Variants in HECTD2 observed in about 807,000 individuals in gnomAD.
HECTD2 encodes HECT domain E3 ubiquitin protein ligase 2.
HECTD2 carries 35 observed loss-of-function variants against 103.2 expected under a neutral mutation model. The observed-to-expected ratio is 0.34, with a 90% CI of 0.26 to 0.45. HECTD2 has a LOEUF of 0.45. Among genes scored for constraint, HECTD2 ranks in the 20% least tolerant of loss-of-function variants. The pLI, the probability that HECTD2 is intolerant of heterozygous loss-of-function variation, is 1.00. For synonymous variants in HECTD2, 281 were observed against 329.9 expected (o/e 0.85, Z 1.61); for missense variants, 596 against 937.4 (o/e 0.64, Z 4.76).
At chr10:91,437,093 A>G (rs148853604) in intron 2 of HECTD2, among the ~76,000 whole-genome samples, 3 of 152,188 alleles carry the variant, frequency 2.0e-5, no homozygotes, top group South Asian at 2.1e-4. Context: ...TCCAGTATCT[A>G]TTGAATATAT....
chr10:91,479,551 TGAC>T (rs1315146982), intron 6 of HECTD2, among the ~76,000 whole-genome samples: 1 of 152,194 alleles, frequency 6.6e-6, no homozygotes, highest in East Asian at 1.9e-4. Context: ...TTTTAATGTC[TGAC>T]TAATAACTTA....
chr10:91,512,245 T>TTTTAA lies in HECTD2; in HGVS notation c.2211-15_2211-11dup. 6.2e-7 allele frequency: 1 copy of TTTTAA among 1,606,540 alleles called. No individual in the cohort carries two copies. The highest frequency in any genetic ancestry group is 8.5e-7 in the Non-Finnish European group (1 of 1,177,386). On this transcript the variant is annotated intron_variant, in intron 20 of 20. Transcript: ENST00000298068. ...GTGTGTTTCAAGACTTAGTATTTTT[T>TTTTAA]TTTAATTTTTTTCCCTAGCTTACCT... is the stretch of plus-strand genomic sequence containing the variant.
Position 91,500,497 on chromosome 10 carries a change from G to A in HECTD2, c.1951-5G>A. 1 of 1,382,090 alleles carries A rather than the reference G, an allele frequency of 7.2e-7. No homozygotes were observed. Among genetic ancestry groups the A allele is most frequent in the Non-Finnish European group, 1.0e-6 (1 of 970,536 alleles). 85.6% of individuals were successfully genotyped at this position (1,382,090 alleles called of 1,614,324 possible). On this transcript the variant is annotated splice_region_variant and splice_polypyrimidine_tract_variant and intron_variant, in intron 18 of 20. Transcript: ENST00000298068. The stretch of plus-strand genomic sequence containing the variant: ...TTATTGTTTTTGATAAATAATTATT[G>A]GCAGCTGCTTCGTCCAGAAGAGGTT...
intron 5 of HECTD2, among the ~76,000 whole-genome samples, chr10:91,469,984 A>G (rs377718017): frequency 1.3e-5 from 2 of 152,348 alleles, no homozygotes; most frequent in East Asian, 1.9e-4. Context: ...AGAGCATTAC[A>G]TAATGGTATA....
rs1407823383 is a variant in HECTD2, at chr10:91,487,871, C to T, written c.1191+93C>T. 1 of 795,058 alleles carries T rather than the reference C, an allele frequency of 1.3e-6. No individual in the cohort carries two copies. Among genetic ancestry groups the T allele is most frequent in the East Asian group, 2.8e-5 (1 of 35,626 alleles). The allele number at this position is 795,058 out of a possible 1,614,324, so 49.3% of individuals were successfully genotyped here. On this transcript the variant is annotated intron_variant, in intron 11 of 20. Transcript: ENST00000298068. This position sits in a 1 kb window ranked among gnomAD's most constrained non-coding sequence, Gnocchi z 4.1. ...TTAAATGTCTTGTGAATTGTTCTAG[C>T]ATAATCAGGAATGTTAAAAGCAAAA...
intron 2 of HECTD2, among the ~76,000 whole-genome samples, chr10:91,450,754 A>G (rs1844781483): frequency 6.6e-6 from 1 of 152,192 alleles, no homozygotes; most frequent in African/African-American, 2.4e-5. Flanking sequence ...TATGCAGCCA[A>G]CAAACATGAA....
At chr10:91,453,302 A>G (rs1398699115) in intron 2 of HECTD2, among the ~76,000 whole-genome samples, 1 of 152,094 alleles carries the variant, frequency 6.6e-6, no homozygotes, top group African/African-American at 2.4e-5. Flanking sequence ...CTTTTGGTGC[A>G]TGCCTGTAGT....
chr10:91,423,259 C>G (rs892325761), intron 1 of HECTD2, among the ~76,000 whole-genome samples: 1 of 152,032 alleles, frequency 6.6e-6, no homozygotes, highest in Non-Finnish European at 1.5e-5. Flanking sequence ...TCCTGGCTTC[C>G]CATTTATCAG....
At chr10:91,429,078 T>C (rs1165424886) in intron 2 of HECTD2, among the ~76,000 whole-genome samples, 2 of 152,148 alleles carry the variant, frequency 1.3e-5, no homozygotes, top group Non-Finnish European at 2.9e-5. Context: ...TTGAGAGTTT[T>C]TAGCATGAAG....
At chr10:91,415,193 A>AGAGTGTGTGTGTGTGT (rs1554864255) in intron 1 of HECTD2, among the ~76,000 whole-genome samples, 4 of 141,624 alleles carry the variant, frequency 2.8e-5, no homozygotes, top group African/African-American at 1.1e-4. Flanking sequence ...AATTAGAGAA[A>AGAGTGTGTGTGTGTGT]GTGTGTGTGT....
At chr10:91,449,869 A>C (rs1844722548) in intron 2 of HECTD2, among the ~76,000 whole-genome samples, 1 of 152,176 alleles carries the variant, frequency 6.6e-6, no homozygotes, top group Non-Finnish European at 1.5e-5. Flanking sequence ...TCCTCAAGGA[A>C]ATAAGAGAGA....
chr10:91,512,162 A>C, intron 20 of HECTD2, 102 bp from the exon 21 acceptor site: 1 of 1,238,564 alleles, frequency 8.1e-7, no homozygotes, highest in Non-Finnish European at 1.1e-6. Flanking sequence ...AACAGAGTGA[A>C]ATAGATTTGA....
intron 5 of HECTD2, among the ~76,000 whole-genome samples, chr10:91,476,981 C>T (rs1268817111): frequency 2.7e-5 from 4 of 150,670 alleles, no homozygotes; most frequent in African/African-American, 4.9e-5. Context: ...GAGATCGAGA[C>T]CATCCTGGCT....
intron 5 of HECTD2, 34 bp downstream of exon 5, chr10:91,462,218 G>T: frequency 6.5e-7 from 1 of 1,534,222 alleles, no homozygotes; most frequent in Non-Finnish European, 8.8e-7. Flanking sequence ...ATATTATTCT[G>T]TGTCTCTTCT....
intron 7 of HECTD2, among the ~76,000 whole-genome samples, chr10:91,482,217 A>G (rs546815433): frequency 4.6e-5 from 7 of 151,930 alleles, no homozygotes; most frequent in Admixed American, 1.3e-4. Flanking sequence ...TGTTCTGTCA[A>G]TAAGTCAGTT....
chr10:91,428,009 G>C (rs1042951789), intron 2 of HECTD2, among the ~76,000 whole-genome samples: 1 of 151,704 alleles, frequency 6.6e-6, no homozygotes, highest in Non-Finnish European at 1.5e-5. Context: ...TATGGTTTTA[G>C]GTCTAACATT....
intron 20 of HECTD2, among the ~76,000 whole-genome samples, chr10:91,502,909 T>C (rs894163483): frequency 4.6e-5 from 7 of 152,148 alleles, no homozygotes; most frequent in Non-Finnish European, 1.0e-4. Context: ...ATCTCACATA[T>C]ATTAAATAAA....
At chr10:91,509,147 A>T (rs1847321411) in intron 20 of HECTD2, among the ~76,000 whole-genome samples, 1 of 115,522 alleles carries the variant, frequency 8.7e-6, no homozygotes, top group Admixed American at 9.6e-5. Context: ...GGGGGGAGGG[A>T]TAGCACTGGG....
chr10:91,490,843 A>G (rs1317309303), intron 11 of HECTD2, among the ~76,000 whole-genome samples: 1 of 137,576 alleles, frequency 7.3e-6, no homozygotes, highest in Non-Finnish European at 1.6e-5. Flanking sequence ...GTGAGCCGGG[A>G]TAGCGCCACT....
Sources: gnomAD v4.1 joint callset for allele counts (sites outside exome capture counted in the v4.1 genomes callset) on GRCh38, gnomAD v4.1.1 for gene constraint, Gnocchi (gnomAD v3.1) non-coding constraint, MANE v1.5 for transcripts, NCBI Gene and HGNC (gene_info 2026-07-23, HGNC 2026-07-21) for gene names.